The following TMEM181 variants were observed in gnomAD, a reference collection of about 807,000 sequenced individuals.
TMEM181 encodes the protein G protein-coupled receptor 178.
Under a neutral mutation model 71.9 loss-of-function variants are expected in TMEM181, and 39 were observed. That is an observed-to-expected ratio of 0.54 (90% CI 0.42 to 0.71). The LOEUF (loss-of-function observed/expected upper bound fraction) is 0.71, where lower values mean the gene tolerates loss of function less well. Ranked by LOEUF, TMEM181 falls within the 30% of genes least tolerant of loss-of-function variation. The pLI, the probability that TMEM181 is intolerant of heterozygous loss-of-function variation, is 0.00. For missense variants in TMEM181, 595 were observed against 583.0 expected, an observed-to-expected ratio of 1.02 and a Z score of -0.21; for synonymous variants, 245 against 228.8, an observed-to-expected ratio of 1.07 and a Z score of -0.64.
chr6:158,607,954 G>A (rs1006229690), intron 8 of TMEM181, among the ~76,000 whole-genome samples: 2 of 152,250 alleles, frequency 1.3e-5, no homozygotes, highest in African/African-American at 2.4e-5. Context: ...TTTGCTTCCC[G>A]AGCTGCCGCA....
chr6:158,627,144 A>C (rs189374492), intron 13 of TMEM181, among the ~76,000 whole-genome samples: 357 of 140,834 alleles, frequency 2.5e-3, no homozygotes, highest in African/African-American at 9.3e-3. Flanking sequence ...CACACACCTT[A>C]CACCCTCACT....
chr6:158,573,728 C>T (rs552207009), intron 2 of TMEM181, among the ~76,000 whole-genome samples: 21 of 152,310 alleles, frequency 1.4e-4, no homozygotes, highest in Middle Eastern at 3.4e-3. Context: ...TAAGTAGCCC[C>T]GAGTGACCCT....
At chr6:158,604,696 G>C (rs1158005378) in intron 6 of TMEM181, among the ~76,000 whole-genome samples, 6 of 152,122 alleles carry the variant, frequency 3.9e-5, no homozygotes, top group African/African-American at 1.4e-4. Flanking sequence ...CAACATTCTA[G>C]TTGCACTTTT....
chr6:158,570,814 A>G (rs1055536718), intron 1 of TMEM181, among the ~76,000 whole-genome samples: 27 of 151,252 alleles, frequency 1.8e-4, no homozygotes, highest in African/African-American at 6.6e-4. Flanking sequence ...GCATTTCCCC[A>G]CCATCTAGTC....
intron 1 of TMEM181, among the ~76,000 whole-genome samples, chr6:158,545,002 C>T (rs951062192): frequency 6.6e-6 from 1 of 152,174 alleles, no homozygotes; most frequent in African/African-American, 2.4e-5. Flanking sequence ...AAAAGGAAAA[C>T]GCCCCGGGGT....
At chr6:158,571,793 GTGCAGAGGGCAGGGCTGCAGCATC>G (rs1451189694) in intron 1 of TMEM181, among the ~76,000 whole-genome samples, 1 of 152,226 alleles carries the variant, frequency 6.6e-6, no homozygotes, top group Non-Finnish European at 1.5e-5. Context: ...TGCAGTGCAG[GTGCAGAGGGCAGGGCTGCAGCATC>G]TTGGGCACAT....
At chr6:158,624,375 C>A (rs535470440) in intron 11 of TMEM181, among the ~76,000 whole-genome samples, 109 of 152,366 alleles carry the variant, frequency 7.2e-4, no homozygotes, top group Middle Eastern at 3.4e-3. Context: ...CTGTCCTGTG[C>A]TCTGAGCCTT....
intron 1 of TMEM181, among the ~76,000 whole-genome samples, chr6:158,552,253 C>G (rs1037668530): frequency 1.2e-4 from 18 of 152,120 alleles, no homozygotes; most frequent in African/African-American, 3.9e-4. Context: ...GAAGAAAAAC[C>G]TCCTGCAGTG....
chr6:158,585,044 C>CT (rs1348046060), intron 4 of TMEM181, among the ~76,000 whole-genome samples: 1 of 152,160 alleles, frequency 6.6e-6, no homozygotes, highest in African/African-American at 2.4e-5. Flanking sequence ...AATATTTACC[C>CT]TTTTTTTGTG....
chr6:158,619,867 C>CAAAAAA (rs61626531), intron 10 of TMEM181, among the ~76,000 whole-genome samples: 2 of 67,744 alleles, frequency 3.0e-5, no homozygotes, highest in Admixed American at 1.6e-4. Flanking sequence ...GACTCCGTCT[C>CAAAAAA]AAAAAAAAAA....
rs761534066 is a variant in TMEM181, at chr6:158,628,389, G to C, written c.1110-19G>C. On this transcript the variant is annotated intron_variant, in intron 13 of 16. Transcript: ENST00000684151. ...TCGTGCATGTTTACATATTGTCTCT[G>C]CTCCTCTGTCTTGTTCAGCATCGCC... 6.2e-7 allele frequency: 1 copy of C among 1,613,436 alleles called. No homozygotes were observed. The highest frequency in any genetic ancestry group is 8.5e-7 in the Non-Finnish European group (1 of 1,179,468).
At chr6:158,559,973 G>A (rs1164003837), upstream of TMEM181, 1 of 865,942 alleles carries the variant, frequency 1.2e-6, no homozygotes, top group Non-Finnish European at 1.4e-6. Flanking sequence ...CCGGCACGGG[G>A]CCACGAAGGA....
chr6:158,613,325 G>A (rs1276125363), intron 10 of TMEM181, among the ~76,000 whole-genome samples: 1 of 152,032 alleles, frequency 6.6e-6, no homozygotes, highest in African/African-American at 2.4e-5. Flanking sequence ...TATTATACTT[G>A]GCTTATTTAT....
At chr6:158,611,259 C>A (rs529657485) in intron 10 of TMEM181, 1 of 496,458 alleles carries the variant, frequency 2.0e-6, no homozygotes, top group Non-Finnish European at 4.1e-6. Context: ...CTGGCTGTTC[C>A]TTCTCAGTCT....
intron 2 of TMEM181, among the ~76,000 whole-genome samples, chr6:158,574,114 G>A (rs1783029022): frequency 6.6e-6 from 1 of 152,168 alleles, no homozygotes; most frequent in Admixed American, 6.5e-5. Flanking sequence ...GAGAGAATCT[G>A]TTCCTCCATT....
chr6:158,627,250 A>G (rs1347778305), intron 13 of TMEM181, among the ~76,000 whole-genome samples: 5 of 152,106 alleles, frequency 3.3e-5, no homozygotes, highest in Non-Finnish European at 7.4e-5. Context: ...GTTGGGAGCT[A>G]CTGTCTACTT....
chr6:158,595,889 C>A (rs1784362827), intron 6 of TMEM181, among the ~76,000 whole-genome samples: 1 of 152,066 alleles, frequency 6.6e-6, no homozygotes, highest in Non-Finnish European at 1.5e-5. Flanking sequence ...GTTCATTGAA[C>A]TGTAATTTAG....
chr6:158,543,753 C>T (rs1485952691), intron 1 of TMEM181, among the ~76,000 whole-genome samples: 1 of 152,194 alleles, frequency 6.6e-6, no homozygotes, highest in African/African-American at 2.4e-5. Context: ...GCTCGTCTGC[C>T]AAGGCCTTAT....
At chr6:158,618,091 CATT>C (rs1027540024) in intron 10 of TMEM181, among the ~76,000 whole-genome samples, 1 of 152,128 alleles carries the variant, frequency 6.6e-6, no homozygotes, top group African/African-American at 2.4e-5. Context: ...TAAAGTCTCC[CATT>C]ATTATTGTGT....
Sources: allele counts gnomAD v4.1 joint callset (sites outside exome capture counted in the v4.1 genomes callset), GRCh38; gene constraint gnomAD v4.1.1; transcripts MANE v1.5; gene names NCBI Gene and HGNC (gene_info 2026-07-23, HGNC 2026-07-21).